Variants in PZP observed in about 807,000 individuals in gnomAD.
PZP encodes the protein PZP alpha-2-macroglobulin like, also known as pregnancy zone protein.
A neutral mutation model predicts 179.8 loss-of-function variants in PZP; 150 were observed. The observed-to-expected ratio is 0.83, with a 90% CI of 0.73 to 0.96. PZP has a LOEUF of 0.96. Ranked by LOEUF, PZP falls within the 40% of genes least tolerant of loss-of-function variation. The probability of loss-of-function intolerance (pLI) is 0.00; values close to 1 mark genes in which losing one functional copy is unlikely to be tolerated. For synonymous variants in PZP, 624 were observed against 652.3 expected (o/e 0.96, Z 0.66); for missense variants, 1,689 against 1,764.0 (o/e 0.96, Z 0.76).
chr12:9,168,672 G>A (rs1046997856), intron 17 of PZP, 197 bp downstream of exon 17: 8 of 496,690 alleles, frequency 1.6e-5, no homozygotes, highest in Non-Finnish European at 2.5e-5. Context: ...CTGAAGTATC[G>A]GATGTATCTA....
chr12:9,175,169 C>A (rs748801823), intron 15 of PZP, among the ~76,000 whole-genome samples: 35 of 152,114 alleles, frequency 2.3e-4, no homozygotes, highest in Non-Finnish European at 4.7e-4. Context: ...AACCTACAAC[C>A]ATCTGATCTT....
rs761676862 is a variant in PZP, at chr12:9,200,274, G to C, written c.755+90C>G. On this transcript the variant is annotated intron_variant, in intron 7 of 35. Transcript: ENST00000261336. ...AAAGGAGTAATATTACAAAAGTGCT[G>C]AGGCAAAGTAAATTTATAATTTTGT... 13 of 826,664 alleles carry C rather than the reference G, an allele frequency of 1.6e-5. No individual in the cohort carries two copies. The African/African-American group carries it at 1.7e-4, about 11-fold the overall frequency. The allele number at this position is 826,664 out of a possible 1,614,324, so 51.2% of individuals were successfully genotyped here.
intron 13 of PZP, among the ~76,000 whole-genome samples, chr12:9,184,407 C>T (rs894076269): frequency 1.3e-5 from 2 of 152,238 alleles, no homozygotes; most frequent in African/African-American, 4.8e-5. Flanking sequence ...GTGCCCCACC[C>T]CCATGCTAAC....
chr12:9,202,710 C>A (rs746520980), intron 2 of PZP, 26 bp from the exon 3 acceptor site: 1 of 1,605,228 alleles, frequency 6.2e-7, no homozygotes, highest in Non-Finnish European at 8.5e-7. Flanking sequence ...TTTTTTACTA[C>A]TGAGGAACTG....
the PZP span, among the ~76,000 whole-genome samples, chr12:9,136,508 C>T: frequency 3.9e-5 from 6 of 151,946 alleles, no homozygotes; most frequent in Admixed American, 2.6e-4. Flanking sequence ...AGGCAATATT[C>T]CATTGTGCAT....
intron 13 of PZP, among the ~76,000 whole-genome samples, chr12:9,187,636 G>T (rs1001061237): frequency 6.6e-6 from 1 of 152,170 alleles, no homozygotes; most frequent in Non-Finnish European, 1.5e-5. Flanking sequence ...AAACCAGTAA[G>T]AACAAAGATA....
downstream of PZP, among the ~76,000 whole-genome samples, chr12:9,147,315 A>G (rs1940061232): frequency 6.6e-6 from 1 of 152,178 alleles, no homozygotes; most frequent in Admixed American, 6.5e-5. Context: ...GATAGAAACC[A>G]GTTCTCTGGG....
Position 9,157,827 on chromosome 12 carries a change from A to T in PZP, c.3309T>A (p.Asp1103Glu), listed in dbSNP as rs185115711. The T allele has an allele frequency of 2.5e-6, 4 of 1,613,838 alleles. No individual in the cohort carries two copies. The highest frequency in any genetic ancestry group is 2.2e-5 in the South Asian group (2 of 91,050). Residue 1103 changes from aspartate (D) to glutamate (E), a missense_variant, in exon 27 of 36, where the codon GAT becomes GAA. Coordinates refer to ENST00000261336, the MANE Select transcript of PZP (RefSeq NM_002864.3). ...LNNAIKGGVE[D>E]EATLSAYVTI... ...TAACATAGGCGGAGAGGGTCGCTTC[A>T]TCTTCTACACCTCCCTGTGAATACA...
chr12:9,197,581 CATAAT>C (rs1235757257), intron 7 of PZP, among the ~76,000 whole-genome samples: 2 of 94,144 alleles, frequency 2.1e-5, no homozygotes, highest in Admixed American at 3.6e-4. Context: ...TAATATATGA[CATAAT>C]ATAATATATA....
intron 7 of PZP, 126 bp from the exon 8 acceptor site, chr12:9,197,249 A>G: frequency 1.6e-6 from 1 of 620,082 alleles, no homozygotes; most frequent in Non-Finnish European, 2.8e-6. Context: ...CCCACCAAGT[A>G]GAAAGCTGTC....
chr12:9,201,462 A>C, intron 4 of PZP, 115 bp from the exon 5 acceptor site: 2 of 779,582 alleles, frequency 2.6e-6, no homozygotes, highest in African/African-American at 1.7e-5. Context: ...TAAATTCAAC[A>C]AGAAACATAA....
At chr12:9,206,246 G>GTA (rs1010479988) in intron 1 of PZP, among the ~76,000 whole-genome samples, 8 of 150,910 alleles carry the variant, frequency 5.3e-5, no homozygotes, top group South Asian at 2.1e-4. Flanking sequence ...TAATAAGAAG[G>GTA]TATATATATA....
intron 13 of PZP, 114 bp downstream of exon 13, chr12:9,192,079 G>A: frequency 2.3e-6 from 2 of 861,016 alleles, no homozygotes; most frequent in Middle Eastern, 3.4e-4. Context: ...TTTCCTGCGT[G>A]TCCTCCTTAT....
At chr12:9,156,312 C>T in intron 28 of PZP, 1 of 212,042 alleles carries the variant, frequency 4.7e-6, no homozygotes, top group Non-Finnish European at 1.0e-5. Context: ...TCATCAATGT[C>T]ACCCTTTGTC....
At chr12:9,186,870 G>A (rs975871102) in intron 13 of PZP, among the ~76,000 whole-genome samples, 11 of 151,296 alleles carry the variant, frequency 7.3e-5, no homozygotes, top group Admixed American at 7.2e-4. Flanking sequence ...GGCTGGGGGA[G>A]GGATAGCATT....
intron 13 of PZP, among the ~76,000 whole-genome samples, chr12:9,187,312 C>A (rs116473960): frequency 1.9e-3 from 283 of 152,184 alleles, no homozygotes; most frequent in African/African-American, 5.6e-3. Context: ...GATCTGAACT[C>A]AGCACAGGAC....
At position 9,197,045 on chromosome 12, in the gene PZP, G is replaced by A. The variant is rs1943817566; in HGVS notation, c.834C>T (p.Asp278=). 1 of 1,613,366 alleles carries A rather than the reference G, an allele frequency of 6.2e-7. No individual in the cohort carries two copies. The highest frequency in any genetic ancestry group is 8.5e-7 in the Non-Finnish European group (1 of 1,179,610). Residue 278 remains aspartate, a synonymous_variant, in exon 8 of 36, where the codon GAC becomes GAT. Transcript: ENST00000261336. ...CRKLSRVLNC[D]KQEVCEEFSQ... ...TGAATTCCTCACAGACCTCCTGCTTGTCACAATTAAGAACACGAGATAATT... is the reference window on the plus strand; with the variant it reads ...TGAATTCCTCACAGACCTCCTGCTTATCACAATTAAGAACACGAGATAATT...
chr12:9,139,878 A>G, the PZP span, among the ~76,000 whole-genome samples: 977 of 152,332 alleles, frequency 6.4e-3, 3 homozygotes, highest in Middle Eastern at 0.014. Flanking sequence ...TCTCTCTTAC[A>G]GACTAAGAGT....
intron 28 of PZP, among the ~76,000 whole-genome samples, chr12:9,156,889 A>T (rs921551323): frequency 2.0e-5 from 3 of 151,974 alleles, no homozygotes; most frequent in Non-Finnish European, 2.9e-5. Flanking sequence ...CACAGTTTTT[A>T]AAAAAACTTT....
Sources: allele counts gnomAD v4.1 joint callset (sites outside exome capture counted in the v4.1 genomes callset), GRCh38; gene constraint gnomAD v4.1.1; transcripts MANE v1.5; gene names NCBI Gene and HGNC (gene_info 2026-07-23, HGNC 2026-07-21).